The following ARHGAP42 variants were observed in gnomAD, a reference collection of about 807,000 sequenced individuals.
The protein encoded by ARHGAP42 is Rho GTPase activating protein 42.
Under a neutral mutation model 125.0 loss-of-function variants are expected in ARHGAP42, and 63 were observed. That is an observed-to-expected ratio of 0.50 (90% CI 0.41 to 0.62). ARHGAP42 has a LOEUF of 0.62. Ranked by LOEUF, ARHGAP42 falls within the 20% of genes least tolerant of loss-of-function variation. The pLI, the probability that ARHGAP42 is intolerant of heterozygous loss-of-function variation, is 0.00. For missense variants in ARHGAP42, 766 were observed against 1,024.2 expected (o/e 0.75, Z 3.44); for synonymous variants, 339 against 351.0 (o/e 0.97, Z 0.38).
chr11:100,851,527 G>A (rs1434276824), intron 3 of ARHGAP42, among the ~76,000 whole-genome samples: 1 of 152,190 alleles, frequency 6.6e-6, no homozygotes, highest in African/African-American at 2.4e-5. Flanking sequence ...ATGGCACATA[G>A]AATTGTGTGT....
chr11:100,845,071 A>G (rs1041713700), intron 3 of ARHGAP42, among the ~76,000 whole-genome samples: 4 of 150,880 alleles, frequency 2.7e-5, no homozygotes, highest in South Asian at 4.1e-4. Context: ...GGATAAAGAA[A>G]CTGTGATATA....
chr11:100,956,820 C>T (rs922305382), intron 12 of ARHGAP42, among the ~76,000 whole-genome samples: 5 of 152,078 alleles, frequency 3.3e-5, no homozygotes, highest in Non-Finnish European at 5.9e-5. Flanking sequence ...TTTGAAGAAA[C>T]AGATCATTGC....
intron 4 of ARHGAP42, among the ~76,000 whole-genome samples, chr11:100,861,443 T>C (rs1264255819): frequency 2.0e-5 from 3 of 152,184 alleles, no homozygotes; most frequent in Non-Finnish European, 4.4e-5. Context: ...GTATTTTAAA[T>C]GTCATTCTAG....
At chr11:100,827,635 G>A (rs1864554627) in intron 3 of ARHGAP42, among the ~76,000 whole-genome samples, 1 of 152,218 alleles carries the variant, frequency 6.6e-6, no homozygotes. Flanking sequence ...TAGAAGCTGA[G>A]GGGTAAGGTG....
intron 16 of ARHGAP42, among the ~76,000 whole-genome samples, chr11:100,963,763 G>A (rs190783537): frequency 1.3e-5 from 2 of 152,266 alleles, no homozygotes; most frequent in East Asian, 3.9e-4. Context: ...AGGACACAAA[G>A]TGGGCAAGTA....
At chr11:100,766,559 T>C (rs1385978724) in intron 1 of ARHGAP42, among the ~76,000 whole-genome samples, 1 of 152,210 alleles carries the variant, frequency 6.6e-6, no homozygotes, top group Admixed American at 6.5e-5. Context: ...AGTTAGACAA[T>C]TAGAAAAATA....
chr11:100,942,808 A>G (rs555997630), intron 9 of ARHGAP42, among the ~76,000 whole-genome samples: 36 of 152,226 alleles, frequency 2.4e-4, no homozygotes, highest in African/African-American at 7.9e-4. Flanking sequence ...CCAGAGAAAA[A>G]GAAACCTTAG....
chr11:100,860,268 G>T (rs761760489), intron 4 of ARHGAP42, among the ~76,000 whole-genome samples: 6 of 151,754 alleles, frequency 4.0e-5, no homozygotes, highest in Non-Finnish European at 7.4e-5. Flanking sequence ...AGTCAATGTC[G>T]TATCCCTTCC....
At chr11:100,920,639 T>C (rs1267655115) in intron 5 of ARHGAP42, among the ~76,000 whole-genome samples, 1 of 152,120 alleles carries the variant, frequency 6.6e-6, no homozygotes, top group African/African-American at 2.4e-5. Flanking sequence ...AAAGAGTGCA[T>C]CTGAGGGCAA....
chr11:100,927,784 G>A (rs146911541), intron 6 of ARHGAP42, among the ~76,000 whole-genome samples: 4 of 152,208 alleles, frequency 2.6e-5, no homozygotes, highest in East Asian at 1.9e-4. Flanking sequence ...TTCCAATGAC[G>A]CTTTTCAGTG....
intron 3 of ARHGAP42, among the ~76,000 whole-genome samples, chr11:100,811,542 T>C (rs1165666716): frequency 1.3e-5 from 2 of 151,770 alleles, no homozygotes; most frequent in Non-Finnish European, 2.9e-5. Context: ...TCTTGCTCTG[T>C]TACCCAGACT....
At chr11:100,842,799 C>A (rs1864972747) in intron 3 of ARHGAP42, among the ~76,000 whole-genome samples, 1 of 151,840 alleles carries the variant, frequency 6.6e-6, no homozygotes, top group Admixed American at 6.6e-5. Context: ...CCTATTAAAA[C>A]CTCTTGGATA....
At chr11:100,885,143 T>C (rs1015010338) in intron 4 of ARHGAP42, among the ~76,000 whole-genome samples, 1 of 152,220 alleles carries the variant, frequency 6.6e-6, no homozygotes, top group Non-Finnish European at 1.5e-5. Context: ...CCAAAGCCCT[T>C]ACTCCTCTGC....
At chr11:100,734,369 T>A (rs1355731228) in intron 1 of ARHGAP42, among the ~76,000 whole-genome samples, 1 of 151,258 alleles carries the variant, frequency 6.6e-6, no homozygotes, top group African/African-American at 2.4e-5. Flanking sequence ...AACCTCTGCC[T>A]CCCGGGTTCA....
At chr11:100,953,965 T>C (rs1857734572) in intron 12 of ARHGAP42, among the ~76,000 whole-genome samples, 1 of 6,234 alleles carries the variant, frequency 1.6e-4, no homozygotes, top group Non-Finnish European at 3.3e-4. Flanking sequence ...AGCTCACCCA[T>C]ATGTTTTCTG....
In ARHGAP42 at chr11:100,779,485, T is replaced by TATACACAC. The variant is rs1312550660; in HGVS notation, c.250+9048_250+9049insTACACACA. On this transcript the variant is annotated intron_variant, in intron 2 of 23. Transcript: ENST00000298815. ...AAAAAAAAATATATATATATATATATACACACACACACATATATACACGTA... is the reference window on the plus strand; with the variant it reads ...AAAAAAAAATATATATATATATATATATACACACACACACACACACATATATACACGTA... 3.7e-3 allele frequency among the ~76,000 whole-genome samples: 303 copies of TATACACAC among 81,372 alleles called. 7 individuals are homozygous for TATACACAC. Among genetic ancestry groups the TATACACAC allele is most frequent in the South Asian group, 0.015 (26 of 1,756 alleles). The allele number at this position is 81,372 out of a possible 152,430, so 53.4% of individuals were successfully genotyped here. A position where few individuals can be genotyped will look rare whatever the true frequency, so the allele number is the denominator to read the frequency against.
chr11:100,937,903 C>T (rs1301998285), intron 8 of ARHGAP42, among the ~76,000 whole-genome samples: 1 of 152,060 alleles, frequency 6.6e-6, no homozygotes, highest in Non-Finnish European at 1.5e-5. Context: ...TAAGCATAGG[C>T]CCTTCAATAA....
intron 2 of ARHGAP42, among the ~76,000 whole-genome samples, chr11:100,776,849 G>A (rs1183094768): frequency 6.6e-6 from 1 of 151,972 alleles, no homozygotes; most frequent in Non-Finnish European, 1.5e-5. Flanking sequence ...TGGGCATGAT[G>A]GCACGTGCCT....
chr11:100,930,102 C>T (rs760893390), intron 6 of ARHGAP42, among the ~76,000 whole-genome samples: 6 of 152,144 alleles, frequency 3.9e-5, no homozygotes, highest in Non-Finnish European at 5.9e-5. Flanking sequence ...AAACCTATTC[C>T]GTCTATCTAG....
Sources: allele counts gnomAD v4.1 joint callset (sites outside exome capture counted in the v4.1 genomes callset), GRCh38; gene constraint gnomAD v4.1.1; transcripts MANE v1.5; gene names NCBI Gene and HGNC (gene_info 2026-07-23, HGNC 2026-07-21).